FYB1: variants seen among roughly 807,000 people sequenced by gnomAD.
FYB1 encodes the protein FYN binding protein 1, also known as FYN-binding protein 1.
A neutral mutation model predicts 94.1 loss-of-function variants in FYB1; 41 were observed. The observed-to-expected ratio is 0.44, with a 90% CI of 0.34 to 0.57. FYB1 has a LOEUF of 0.57. Among genes scored for constraint, FYB1 ranks in the 20% least tolerant of loss-of-function variants. FYB1 has a pLI of 0.02. For synonymous variants in FYB1, 367 were observed against 353.2 expected (o/e 1.04, Z -0.44); for missense variants, 1,050 against 976.8 (o/e 1.07, Z -1.00).
intron 2 of FYB1, among the ~76,000 whole-genome samples, chr5:39,160,411 C>T (rs764721929): frequency 1.1e-4 from 17 of 152,152 alleles, no homozygotes; most frequent in Non-Finnish European, 1.8e-4. Flanking sequence ...TAGATTTGTT[C>T]GAGAATCTTA....
At chr5:39,268,593 T>G (rs1201985172) in intron 1 of FYB1, among the ~76,000 whole-genome samples, 1 of 152,044 alleles carries the variant, frequency 6.6e-6, no homozygotes, top group African/African-American at 2.4e-5. Context: ...TGAGACGGAA[T>G]TTTGCTCTTG....
At chr5:39,218,199 G>A (rs1579719180) in intron 1 of FYB1, among the ~76,000 whole-genome samples, 1 of 152,126 alleles carries the variant, frequency 6.6e-6, no homozygotes, top group East Asian at 1.9e-4. Context: ...TTTTTGAAAC[G>A]GATGGTCAAC....
At chr5:39,125,348 G>A (rs1003448940) in intron 12 of FYB1, among the ~76,000 whole-genome samples, 2 of 152,078 alleles carry the variant, frequency 1.3e-5, no homozygotes, top group African/African-American at 4.8e-5. Flanking sequence ...TCATATGTAT[G>A]GAATTTATAC....
In FYB1 at chr5:39,139,215, A is replaced by C; in HGVS notation, c.1359+18T>G. ...TCTGATTATGTCAATATAATATGAGAAGAGAAAAAAATCTGACCTCATCTA... is the reference window on the plus strand; with the variant it reads ...TCTGATTATGTCAATATAATATGAGCAGAGAAAAAAATCTGACCTCATCTA... On this transcript the variant is annotated intron_variant, in intron 5 of 18. Transcript: ENST00000512982. The C allele has an allele frequency of 6.8e-7, 1 of 1,461,842 alleles. No homozygotes were observed. The highest frequency in any genetic ancestry group is 9.2e-7 in the Non-Finnish European group (1 of 1,081,566). 90.6% of individuals were successfully genotyped at this position (1,461,842 alleles called of 1,614,324 possible). A position where few individuals can be genotyped will look rare whatever the true frequency, so the allele number is the denominator to read the frequency against.
At chr5:39,185,520 A>G (rs947350913) in intron 2 of FYB1, among the ~76,000 whole-genome samples, 86 of 136,738 alleles carry the variant, frequency 6.3e-4, no homozygotes, top group Non-Finnish European at 1.0e-3. Context: ...ACTGACTAAA[A>G]AAAAAATATA....
At chr5:39,199,587 T>C (rs1466017146) in intron 2 of FYB1, among the ~76,000 whole-genome samples, 2 of 152,180 alleles carry the variant, frequency 1.3e-5, no homozygotes, top group Non-Finnish European at 2.9e-5. Context: ...GATTTATTTA[T>C]TTTAAAAATA....
chr5:39,233,598 T>C (rs1750838837), intron 1 of FYB1, among the ~76,000 whole-genome samples: 1 of 152,172 alleles, frequency 6.6e-6, no homozygotes, highest in Non-Finnish European at 1.5e-5. Context: ...ATAAAACTTC[T>C]ATGAAAAATA....
intron 1 of FYB1, among the ~76,000 whole-genome samples, chr5:39,216,835 T>C (rs1749908311): frequency 1.3e-5 from 2 of 152,176 alleles, no homozygotes; most frequent in Admixed American, 1.3e-4. Flanking sequence ...AGCAAAGTCA[T>C]CCACTGCTCT....
chr5:39,143,765 T>C (rs528337342), intron 3 of FYB1, among the ~76,000 whole-genome samples: 4 of 152,322 alleles, frequency 2.6e-5, no homozygotes, highest in East Asian at 1.9e-4. Flanking sequence ...AGAACTGTCA[T>C]GGATATCTGT....
At chr5:39,170,118 G>T in intron 2 of FYB1, 1 of 814,882 alleles carries the variant, frequency 1.2e-6, no homozygotes, top group Non-Finnish European at 2.2e-6. Flanking sequence ...GATTTCAAAT[G>T]TTATCAGTTG....
chr5:39,132,821 T>C (rs1469185660), intron 9 of FYB1, among the ~76,000 whole-genome samples: 1 of 152,214 alleles, frequency 6.6e-6, no homozygotes, highest in African/African-American at 2.4e-5. Flanking sequence ...ACACACAAAG[T>C]ATATACATTG....
chr5:39,117,195 C>A (rs1001814038), intron 16 of FYB1, among the ~76,000 whole-genome samples: 1 of 152,084 alleles, frequency 6.6e-6, no homozygotes. Flanking sequence ...AGTTTAGCTT[C>A]TCTTCTTTGC....
intron 2 of FYB1, among the ~76,000 whole-genome samples, chr5:39,190,229 G>A (rs1026558541): frequency 3.3e-5 from 5 of 152,106 alleles, no homozygotes; most frequent in African/African-American, 7.2e-5. Context: ...TTCACTGACC[G>A]AAAAGAAGGG....
At chr5:39,231,973 G>A (rs569224112) in intron 1 of FYB1, among the ~76,000 whole-genome samples, 8 of 152,214 alleles carry the variant, frequency 5.3e-5, no homozygotes, top group Middle Eastern at 3.4e-3. Flanking sequence ...GTGACTGGAA[G>A]CATGTTTAAG....
intron 1 of FYB1, among the ~76,000 whole-genome samples, chr5:39,245,855 C>T (rs1323862326): frequency 6.6e-6 from 1 of 152,198 alleles, no homozygotes; most frequent in Non-Finnish European, 1.5e-5. Flanking sequence ...CTGCCTTGGT[C>T]TCCCAAAGTG....
chr5:39,192,256 T>C (rs752073918), intron 2 of FYB1, among the ~76,000 whole-genome samples: 1 of 152,232 alleles, frequency 6.6e-6, no homozygotes, highest in Non-Finnish European at 1.5e-5. Flanking sequence ...CATATGTATT[T>C]GTATTTCATT....
Position 39,189,943 on chromosome 5 carries a change from C to T in FYB1, c.1135+11883G>A, listed in dbSNP as rs187946170. Among the ~76,000 whole-genome samples the T allele has an allele frequency of 5.3e-5, 8 of 152,254 alleles. No homozygotes were observed. In the East Asian group the frequency reaches 1.4e-3, roughly 26 times the overall value. ...CATCCAAGTTAGAAGAAGCAGGAGCCGGAAGCTAGAAGTGACCTTGAGAAA... is the reference window on the plus strand; with the variant it reads ...CATCCAAGTTAGAAGAAGCAGGAGCTGGAAGCTAGAAGTGACCTTGAGAAA... On this transcript the variant is annotated intron_variant, in intron 2 of 18. Transcript: ENST00000512982.
intron 1 of FYB1, chr5:39,270,567 A>T: frequency 6.5e-7 from 1 of 1,535,032 alleles, no homozygotes; most frequent in Non-Finnish European, 8.7e-7. Context: ...TCTATTACTT[A>T]CCATTTTTAT....
At chr5:39,269,251 G>A (rs6895018) in intron 1 of FYB1, among the ~76,000 whole-genome samples, 19,518 of 151,882 alleles carry the variant, frequency 0.13, 1,659 homozygotes, top group African/African-American at 0.23. Flanking sequence ...GGGTTTCACC[G>A]TGTTAGCCAG....
Sources: gnomAD v4.1 joint callset for allele counts (sites outside exome capture counted in the v4.1 genomes callset) on GRCh38, gnomAD v4.1.1 for gene constraint, MANE v1.5 for transcripts, NCBI Gene and HGNC (gene_info 2026-07-23, HGNC 2026-07-21) for gene names.